The following CRAMP1 variants were observed in gnomAD, a reference collection of about 807,000 sequenced individuals.
CRAMP1 encodes protein cramped-like.
CRAMP1 carries 50 observed loss-of-function variants against 115.4 expected under a neutral mutation model. The observed-to-expected ratio is 0.43, with a 90% confidence interval of 0.35 to 0.55. The LOEUF is 0.55. CRAMP1 is among the 20% of genes least tolerant of loss of function. The pLI, the probability that CRAMP1 is intolerant of heterozygous loss-of-function variation, is 0.01. For synonymous variants in CRAMP1, 866 were observed against 745.4 expected (o/e 1.16, Z -2.64); for missense variants, 1,679 against 1,721.7 (o/e 0.98, Z 0.44).
chr16:1,629,853 T>TG (rs1456366402), intron 3 of CRAMP1, among the ~76,000 whole-genome samples: 29 of 152,278 alleles, frequency 1.9e-4, no homozygotes, highest in Admixed American at 1.4e-3. Flanking sequence ...CAGACTGGGG[T>TG]GCCAGCCTTC....
At chr16:1,662,015 T>C (rs1014686056) in intron 11 of CRAMP1, among the ~76,000 whole-genome samples, 3 of 152,190 alleles carry the variant, frequency 2.0e-5, no homozygotes, top group Non-Finnish European at 4.4e-5. Context: ...ATAAATAAAG[T>C]TTTATTGGCA....
At chr16:1,663,107 T>G (rs2036846896) in intron 13 of CRAMP1, among the ~76,000 whole-genome samples, 2 of 152,224 alleles carry the variant, frequency 1.3e-5, no homozygotes, top group African/African-American at 4.8e-5. Context: ...TGGGATGTAT[T>G]TATGGAATCT....
At chr16:1,654,715 G>T (rs1198561595) in intron 8 of CRAMP1, among the ~76,000 whole-genome samples, 3 of 152,186 alleles carry the variant, frequency 2.0e-5, no homozygotes, top group Non-Finnish European at 2.9e-5. Flanking sequence ...CAGTGGACTT[G>T]CCTGCTCTGA....
chr16:1,675,198 C>G lies in CRAMP1; in HGVS notation c.*1153C>G, dbSNP rs1047097135. 44 of 152,484 alleles carry G rather than the reference C, an allele frequency of 2.9e-4. No individual in the cohort carries two copies. The highest frequency in any genetic ancestry group is 9.6e-4 in the African/African-American group (40 of 41,566). The allele number at this position is 152,484 out of a possible 1,614,324, so 9.4% of individuals were successfully genotyped here. On this transcript the variant is annotated 3_prime_UTR_variant, in exon 21 of 21. Transcript: ENST00000397412. ...GCGCCCTCTTGGGTGGCCAGCGTTC[C>G]TACTGCAGACGGCCCAACATCCAGT...
At position 1,672,774 on chromosome 16, in the gene CRAMP1, A is replaced by T. The variant is rs2036932486; in HGVS notation, c.3646-1107A>T. 8.5e-5 allele frequency among the ~76,000 whole-genome samples: 13 copies of T among 152,060 alleles called. No homozygotes were observed. Among genetic ancestry groups the T allele is most frequent in the Admixed American group, 8.5e-4 (13 of 15,280 alleles). On this transcript the variant is annotated intron_variant, in intron 20 of 20. Transcript: ENST00000397412. The surrounding 1 kb of genome is among the most constrained non-coding windows in gnomAD (Gnocchi z 4.9). ...CAGGACGCAGACAATAAGCGCTGAA[A>T]ACGGCACATTCTACGTATTTGCTCA... is the stretch of plus-strand genomic sequence containing the variant.
chr16:1,652,632 A>G, intron 7 of CRAMP1, 51 bp downstream of exon 7: 3 of 1,468,958 alleles, frequency 2.0e-6, no homozygotes, highest in Non-Finnish European at 2.8e-6. Context: ...ATGGTGTCCC[A>G]TTCAATGATG....
At chr16:1,627,071 G>T (rs1417138370) in intron 3 of CRAMP1, among the ~76,000 whole-genome samples, 1 of 152,176 alleles carries the variant, frequency 6.6e-6, no homozygotes, top group East Asian at 1.9e-4. Flanking sequence ...GGTGAACATC[G>T]GTGTGCACGC....
At chr16:1,645,353 AT>A in intron 6 of CRAMP1, 4 of 251,064 alleles carry the variant, frequency 1.6e-5, no homozygotes, top group Admixed American at 5.1e-5. Flanking sequence ...CGCCCGGCTA[AT>A]TTTTTATATT....
chr16:1,641,944 C>T (rs919093143), intron 6 of CRAMP1, among the ~76,000 whole-genome samples: 9 of 152,174 alleles, frequency 5.9e-5, no homozygotes, highest in Non-Finnish European at 1.2e-4. Flanking sequence ...TCCCAGTGCA[C>T]AGCCTGGTGG....
chr16:1,661,143 C>A (rs1307820287), intron 11 of CRAMP1, among the ~76,000 whole-genome samples: 2 of 152,148 alleles, frequency 1.3e-5, no homozygotes, highest in African/African-American at 4.8e-5. Flanking sequence ...TAGCAAGACC[C>A]CATCTCTACA....
At position 1,676,978 on chromosome 16, in the gene CRAMP1, A is replaced by G. The variant is rs1169432201; in HGVS notation, c.*2933A>G. On this transcript the variant is annotated 3_prime_UTR_variant, in exon 21 of 21. Coordinates refer to ENST00000397412, the MANE Select transcript of CRAMP1 (RefSeq NM_020825.4). The stretch of plus-strand genomic sequence containing the variant: ...TCTGGTGGATAACCTTTTTAGTTTA[A>G]TAGCATCTTTAATTAGATCACAGCA... The G allele has an allele frequency of 6.6e-6, 1 of 152,460 alleles. No individual in the cohort carries two copies. Among genetic ancestry groups the G allele is most frequent in the African/African-American group, 2.4e-5 (1 of 41,460 alleles). The allele number at this position is 152,460 out of a possible 1,614,324, so 9.4% of individuals were successfully genotyped here.
At position 1,671,394 on chromosome 16, in the gene CRAMP1, T is replaced by C; in HGVS notation, c.3645+585T>C. On this transcript the variant is annotated intron_variant, in intron 20 of 20. Transcript: ENST00000397412. The surrounding 1 kb of genome is among the most constrained non-coding windows in gnomAD (Gnocchi z 5.0). ...AACGTGGTTTGTGACTCTCCACTTT[T>C]GACGAGATGCAGCGTCCCTCTTTGT... 6.6e-6 allele frequency among the ~76,000 whole-genome samples: 1 copy of C among 152,208 alleles called. No individual in the cohort carries two copies. The highest frequency in any genetic ancestry group is 2.1e-4 in the South Asian group (1 of 4,826).
chr16:1,657,332 G>A (rs921684298), intron 10 of CRAMP1, among the ~76,000 whole-genome samples: 7 of 152,216 alleles, frequency 4.6e-5, no homozygotes, highest in Admixed American at 2.0e-4. Flanking sequence ...GGAAGAAGAC[G>A]GCCAACAGGC....
In CRAMP1 at chr16:1,656,877, G is replaced by A; in HGVS notation, c.2120G>A (p.Trp707Ter). 1 of 1,551,260 alleles carries A rather than the reference G, an allele frequency of 6.4e-7. No homozygotes were observed. The highest frequency in any genetic ancestry group is 8.7e-7 in the Non-Finnish European group (1 of 1,147,468). ...KPSKLQLEYD[W>*]LGPGRQDPRP... ...AGCAAGCTGCAGCTGGAGTACGACT[G>A]GCTGGGGCCCGGCCGCCAGGACCCC... The change falls in exon 10 of 21, where the codon TGG becomes TAG. Residue 707 changes from tryptophan to a stop codon, truncating the protein, a stop_gained. Coordinates refer to ENST00000397412, the MANE Select transcript of CRAMP1 (RefSeq NM_020825.4). LOFTEE classifies it high-confidence loss of function. The surrounding 1 kb of genome is among the most constrained non-coding windows in gnomAD (Gnocchi z 5.6).
Position 1,660,054 on chromosome 16 carries a change from T to G in CRAMP1, c.2404T>G (p.Cys802Gly), listed in dbSNP as rs2036814601. The G allele has an allele frequency of 6.3e-7, 1 of 1,577,876 alleles. No homozygotes were observed. The highest frequency in any genetic ancestry group is 1.3e-5 in the African/African-American group (1 of 74,306). The change falls in exon 11 of 21, where the codon TGC becomes GGC. Residue 802 changes from cysteine to glycine, a missense_variant. Physicochemically the swap from Cys to Gly is radical, Grantham distance 159 (BLOSUM62 -3). This residue lies in a region of CRAMP1 where 709 missense variants were observed against 741.9 expected (regional missense o/e 0.96). Coordinates refer to ENST00000397412, the MANE Select transcript of CRAMP1 (RefSeq NM_020825.4). Reference protein sequence around the residue: ...SKTFPPSSAPCSSGLRNPPRP... With the variant: ...SKTFPPSSAPGSSGLRNPPRP... ...GACCTTCCCGCCCAGCTCTGCACCC[T>G]GCTCCTCAGGTGAGGCTGTGGCAGC...
Position 1,666,325 on chromosome 16 carries a change from C to T in CRAMP1, c.2858-97C>T. ...TCTAAGCCCTTGGCTCTTGCATTGA[C>T]ATGAGGTGCGAGGGAGAAGCTGTTC... On this transcript the variant is annotated intron_variant, in intron 15 of 20. Coordinates refer to ENST00000397412, the MANE Select transcript of CRAMP1 (RefSeq NM_020825.4). The surrounding 1 kb of genome is among the most constrained non-coding windows in gnomAD (Gnocchi z 5.0). 1 of 1,271,358 alleles carries T rather than the reference C, an allele frequency of 7.9e-7. No individual in the cohort carries two copies. The highest frequency in any genetic ancestry group is 1.1e-6 in the Non-Finnish European group (1 of 899,746). The allele number at this position is 1,271,358 out of a possible 1,614,324, so 78.8% of individuals were successfully genotyped here.
At chr16:1,632,914 T>G (rs2036558239) in intron 4 of CRAMP1, among the ~76,000 whole-genome samples, 1 of 152,228 alleles carries the variant, frequency 6.6e-6, no homozygotes, top group South Asian at 2.1e-4. Flanking sequence ...CGGATGATGC[T>G]TTGTCCATCA....
Position 1,669,067 on chromosome 16 carries a change from C to T in CRAMP1, c.3401C>T (p.Pro1134Leu), listed in dbSNP as rs780635813. Residue 1134 changes from proline (P) to leucine (L), a missense_variant, in exon 19 of 21, where the codon CCG (proline) becomes CTG (leucine). Pro to Leu is a moderately conservative substitution (Grantham distance 98). Transcript: ENST00000397412. This position sits in a 1 kb window ranked among gnomAD's most constrained non-coding sequence, Gnocchi z 4.6. ...GACAGTTCCAAGAGCCTTCCCTCCC[C>T]GTCCAGCAGCCCCCAGCCACACTGG... is the stretch of plus-strand genomic sequence containing the variant. ...GSDSSKSLPS[P>L]SSSPQPHWIA... 20 of 1,612,252 alleles carry T rather than the reference C, an allele frequency of 1.2e-5. No individual in the cohort carries two copies. In the African/African-American group the frequency reaches 1.3e-4, roughly 11 times the overall value.
At chr16:1,657,913 C>G (rs1439520385) in intron 10 of CRAMP1, among the ~76,000 whole-genome samples, 1 of 152,146 alleles carries the variant, frequency 6.6e-6, no homozygotes, top group Non-Finnish European at 1.5e-5. Context: ...TCACTGTGGA[C>G]CCCTTAGCGC....
Sources: allele counts gnomAD v4.1 joint callset (sites outside exome capture counted in the v4.1 genomes callset), GRCh38; gene constraint gnomAD v4.1.1; regional missense constraint gnomAD v4.1.1; non-coding constraint Gnocchi (gnomAD v3.1); transcripts MANE v1.5; gene names NCBI Gene and HGNC (gene_info 2026-07-23, HGNC 2026-07-21).